GLIS3: variants seen among roughly 807,000 people sequenced by gnomAD.
GLIS3 encodes the protein GLIS family zinc finger 3, also known as zinc finger protein GLIS3.
In GLIS3, 53 loss-of-function variants were observed where a neutral mutation model predicts 78.6. The observed-to-expected ratio is 0.67, with a 90% CI of 0.54 to 0.85. The LOEUF (loss-of-function observed/expected upper bound fraction) is 0.85. GLIS3 is among the 40% of genes least tolerant of loss of function. The pLI, the probability that GLIS3 is intolerant of heterozygous loss-of-function variation, is 0.00. For missense variants in GLIS3, 1,703 were observed against 1,231.1 expected, an observed-to-expected ratio of 1.38 and a Z score of -5.74; for synonymous variants, 684 against 509.9, an observed-to-expected ratio of 1.34 and a Z score of -4.60.
At chr9:4,129,279 T>G (rs1832788137) in intron 2 of GLIS3, among the ~76,000 whole-genome samples, 1 of 152,132 alleles carries the variant, frequency 6.6e-6, no homozygotes, top group Non-Finnish European at 1.5e-5. Context: ...TACTTAACAT[T>G]TTTGTGCCGT....
At chr9:4,335,572 C>T (rs921403818) in intron 2 of GLIS3, among the ~76,000 whole-genome samples, 1 of 152,198 alleles carries the variant, frequency 6.6e-6, no homozygotes, top group East Asian at 1.9e-4. Flanking sequence ...CTATCTCCCT[C>T]ACCAGCCCTG....
At chr9:4,234,283 C>T (rs1822522285) in intron 2 of GLIS3, among the ~76,000 whole-genome samples, 1 of 152,168 alleles carries the variant, frequency 6.6e-6, no homozygotes, top group Non-Finnish European at 1.5e-5. Context: ...GCATTTCTAG[C>T]TTTTGAGTTA....
chr9:4,388,198 A>G, the GLIS3 span, among the ~76,000 whole-genome samples: 2 of 152,124 alleles, frequency 1.3e-5, no homozygotes, highest in East Asian at 3.8e-4. Context: ...CACATAACAG[A>G]CCCCTTTTCC....
upstream of GLIS3, among the ~76,000 whole-genome samples, chr9:4,303,864 T>C (rs141586735): frequency 4.4e-3 from 666 of 152,324 alleles, 3 homozygotes; most frequent in African/African-American, 0.015. Context: ...ATAAATACAA[T>C]ATTCCGCAGG....
intron 4 of GLIS3, among the ~76,000 whole-genome samples, chr9:4,084,984 A>C (rs114536395): frequency 1.2e-3 from 174 of 142,086 alleles, no homozygotes; most frequent in African/African-American, 4.3e-3. Context: ...CAAACAACGC[A>C]ATGCAAAAAC....
intron 2 of GLIS3, among the ~76,000 whole-genome samples, chr9:4,188,541 C>G (rs1432409352): frequency 6.6e-6 from 1 of 151,654 alleles, no homozygotes; most frequent in Non-Finnish European, 1.5e-5. Flanking sequence ...CCCTCTTTTT[C>G]TATTGATTGG....
chr9:4,036,672 C>T (rs983940084), intron 4 of GLIS3, among the ~76,000 whole-genome samples: 4 of 152,134 alleles, frequency 2.6e-5, no homozygotes, highest in East Asian at 1.9e-4. Flanking sequence ...GCCCAGCAAA[C>T]GGCGCATTAC....
At chr9:4,004,432 G>A (rs960012315) in intron 4 of GLIS3, among the ~76,000 whole-genome samples, 1 of 152,160 alleles carries the variant, frequency 6.6e-6, no homozygotes, top group African/African-American at 2.4e-5. Context: ...TTGATGATGA[G>A]GCTGGGGAAC....
At chr9:4,355,664 C>T in the GLIS3 span, among the ~76,000 whole-genome samples, 4 of 152,180 alleles carry the variant, frequency 2.6e-5, no homozygotes, top group African/African-American at 9.7e-5. Context: ...CATCTTTTAA[C>T]AGCTAGGGAC....
chr9:4,029,165 T>A lies in GLIS3; in HGVS notation c.1710+88603A>T, dbSNP rs182625506. ...TCTTACTGATAGCCTCCTCAATACCTTAAAAACTACCTGTGAAACCCTTGG... is the reference window on the plus strand; with the variant it reads ...TCTTACTGATAGCCTCCTCAATACCATAAAAACTACCTGTGAAACCCTTGG... On this transcript the variant is annotated intron_variant, in intron 4 of 10. Transcript: ENST00000381971. Among the ~76,000 whole-genome samples the A allele has an allele frequency of 1.4e-4, 21 of 152,220 alleles. No homozygotes were observed. In the East Asian group the frequency reaches 3.9e-3, roughly 28 times the overall value.
At chr9:4,093,160 A>G in intron 4 of GLIS3, among the ~76,000 whole-genome samples, 1 of 152,212 alleles carries the variant, frequency 6.6e-6, no homozygotes, top group East Asian at 1.9e-4. Context: ...GTGGAAAAGT[A>G]ACATGCTGGC....
the GLIS3 span, among the ~76,000 whole-genome samples, chr9:4,394,113 T>C: frequency 2.0e-5 from 3 of 151,948 alleles, no homozygotes; most frequent in East Asian, 1.9e-4. Flanking sequence ...AGTTTTTGAC[T>C]GAATTTATTT....
intron 2 of GLIS3, among the ~76,000 whole-genome samples, chr9:4,169,929 T>G (rs185295341): frequency 6.0e-4 from 91 of 152,308 alleles, no homozygotes; most frequent in Admixed American, 2.0e-3. Flanking sequence ...ATTGACCAAA[T>G]GTCGCTTCAA....
chr9:4,079,817 C>G (rs1828396622), intron 4 of GLIS3, among the ~76,000 whole-genome samples: 1 of 150,644 alleles, frequency 6.6e-6, no homozygotes, highest in African/African-American at 2.4e-5. Context: ...ACCCAACACC[C>G]AACATGTAAG....
rs1181854485 is a variant in GLIS3 at position 4,118,647 on chromosome 9, T to A, written c.831A>T (p.Glu277Asp). ...NSLPSYLFGT[E>D]SSHSPYPSPR... ...GACTAGGGTAAGGAGAGTGGCTACT[T>A]TCCGTGCCAAAAAGGTAGGATGGTA... Residue 277 changes from glutamate to aspartate, a missense_variant, in exon 4 of 11, where the codon GAA becomes GAT. Transcript: ENST00000381971. The surrounding 1 kb of genome is among the most constrained non-coding windows in gnomAD (Gnocchi z 4.7). 6.2e-7 allele frequency: 1 copy of A among 1,614,080 alleles called. No homozygotes were observed. Among genetic ancestry groups the A allele is most frequent in the Non-Finnish European group, 8.5e-7 (1 of 1,179,984 alleles).
chr9:4,364,362 A>G, the GLIS3 span, among the ~76,000 whole-genome samples: 2 of 152,212 alleles, frequency 1.3e-5, no homozygotes, highest in African/African-American at 2.4e-5. Flanking sequence ...TTGGGTGAGG[A>G]TAAGTCTTAA....
chr9:4,210,086 G>C (rs1403656697), intron 2 of GLIS3, among the ~76,000 whole-genome samples: 1 of 152,150 alleles, frequency 6.6e-6, no homozygotes, highest in African/African-American at 2.4e-5. Context: ...CACATAGTGG[G>C]CACCCCATTG....
intron 4 of GLIS3, among the ~76,000 whole-genome samples, chr9:4,033,012 C>T (rs1823982019): frequency 6.6e-6 from 1 of 152,122 alleles, no homozygotes; most frequent in African/African-American, 2.4e-5. Context: ...CGCCACCACG[C>T]CTGGCTAATT....
chr9:4,116,573 T>C (rs1487823935), intron 4 of GLIS3, among the ~76,000 whole-genome samples: 1 of 152,206 alleles, frequency 6.6e-6, no homozygotes, highest in African/African-American at 2.4e-5. Context: ...AATACTTGCA[T>C]TATAGCTATC....
Sources: gnomAD v4.1 joint callset for allele counts (sites outside exome capture counted in the v4.1 genomes callset) on GRCh38, gnomAD v4.1.1 for gene constraint, Gnocchi (gnomAD v3.1) non-coding constraint, MANE v1.5 for transcripts, NCBI Gene and HGNC (gene_info 2026-07-23, HGNC 2026-07-21) for gene names.